SEMA5A: variants seen among roughly 807,000 people sequenced by gnomAD.
SEMA5A encodes the protein semaphorin 5A, also known as semaphorin-5A.
In SEMA5A, 55 loss-of-function variants were observed where a neutral mutation model predicts 135.5. The observed-to-expected ratio is 0.41, with a 90% confidence interval of 0.33 to 0.51. The LOEUF is 0.51. SEMA5A is among the 20% of genes least tolerant of loss of function. The probability of loss-of-function intolerance (pLI) is 0.37; values close to 1 mark genes in which losing one functional copy is unlikely to be tolerated. For missense variants in SEMA5A, 1,290 were observed against 1,419.9 expected, an observed-to-expected ratio of 0.91 and a Z score of 1.47; for synonymous variants, 580 against 546.5, an observed-to-expected ratio of 1.06 and a Z score of -0.85.
At chr5:9,151,121 T>C (rs1435975437) in intron 12 of SEMA5A, among the ~76,000 whole-genome samples, 1 of 152,218 alleles carries the variant, frequency 6.6e-6, no homozygotes, top group African/African-American at 2.4e-5. Context: ...ACTTTCAGGA[T>C]TGACATAATA....
In SEMA5A at chr5:9,202,017, T is replaced by C. The variant is rs758273201; in HGVS notation, c.870A>G (p.Glu290=). ...RPGEVPFYYN[E]LQSTFFLPEL... is the part of the protein sequence containing the mutation. ...CAGGCAGGAAGAAAGTACTCTGCAATTCGTTGTAGTAAAAGGGGACTTCCC... is the reference window on the plus strand; with the variant it reads ...CAGGCAGGAAGAAAGTACTCTGCAACTCGTTGTAGTAAAAGGGGACTTCCC... Residue 290 remains glutamate, a synonymous_variant, in exon 9 of 23, where the codon GAA becomes GAG. Transcript: ENST00000382496. The C allele has an allele frequency of 8.7e-6, 14 of 1,614,032 alleles. No individual in the cohort carries two copies. The highest frequency in any genetic ancestry group is 2.5e-6 in the Non-Finnish European group (3 of 1,180,026).
At chr5:9,249,625 C>T (rs1748667138) in intron 5 of SEMA5A, among the ~76,000 whole-genome samples, 1 of 152,078 alleles carries the variant, frequency 6.6e-6, no homozygotes, top group African/African-American at 2.4e-5. Flanking sequence ...TCCTGCCCTA[C>T]AATATATATG....
intron 18 of SEMA5A, among the ~76,000 whole-genome samples, chr5:9,059,967 A>G (rs1737094388): frequency 6.6e-6 from 1 of 152,216 alleles, no homozygotes. Context: ...TTCACAGGGG[A>G]GAGTATCCTG....
intron 11 of SEMA5A, among the ~76,000 whole-genome samples, chr5:9,182,160 CAAA>C (rs370384556): frequency 7.2e-6 from 1 of 138,514 alleles, no homozygotes; most frequent in African/African-American, 2.9e-5. Flanking sequence ...CCCCCCACCC[CAAA>C]AAAAAATACG....
chr5:9,376,305 G>A (rs909220976), intron 3 of SEMA5A, among the ~76,000 whole-genome samples: 1 of 152,140 alleles, frequency 6.6e-6, no homozygotes, highest in Admixed American at 6.5e-5. Flanking sequence ...CTGTGCGTGA[G>A]GCTTGCCAGG....
chr5:9,170,943 C>T (rs886754365), intron 11 of SEMA5A, among the ~76,000 whole-genome samples: 8 of 152,116 alleles, frequency 5.3e-5, no homozygotes, highest in African/African-American at 1.7e-4. Flanking sequence ...CCTCCTTCCT[C>T]GCCCCCAGAC....
chr5:9,337,791 T>A lies in SEMA5A; in HGVS notation c.146A>T (p.Glu49Val). The change falls in exon 4 of 23, where the codon GAG (glutamate) becomes GTG (valine). Residue 49 changes from glutamate (E) to valine (V), a missense_variant. Physicochemically the swap from Glu to Val is moderately radical, Grantham distance 121. This residue lies in a region of SEMA5A where 116 missense variants were observed against 121.3 expected (regional missense o/e 0.96). Coordinates refer to ENST00000382496, the MANE Select transcript of SEMA5A (RefSeq NM_003966.3). ...ATCCACAGCATTCTTCGCTCTGAAC[T>A]CCCGTAACCAGGGGCCAATTTCTAA... ...SYKEIGPWLREFRAKNAVDFS... is the reference protein window; with the variant it reads ...SYKEIGPWLRVFRAKNAVDFS... The A allele has an allele frequency of 3.1e-6, 5 of 1,605,936 alleles. No homozygotes were observed. The highest frequency in any genetic ancestry group is 4.3e-6 in the Non-Finnish European group (5 of 1,175,558).
At chr5:9,151,256 G>GACTCA (rs1235427749) in intron 12 of SEMA5A, among the ~76,000 whole-genome samples, 1 of 152,128 alleles carries the variant, frequency 6.6e-6, no homozygotes, top group African/African-American at 2.4e-5. Context: ...TTGGAAAAAA[G>GACTCA]ACTCAAGAAA....
intron 13 of SEMA5A, among the ~76,000 whole-genome samples, chr5:9,131,845 TG>T (rs1215923077): frequency 6.6e-6 from 1 of 152,014 alleles, no homozygotes; most frequent in East Asian, 1.9e-4. Flanking sequence ...TGATGCATTT[TG>T]GAATAGGGAC....
chr5:9,140,730 C>G (rs1024093735), intron 12 of SEMA5A, among the ~76,000 whole-genome samples: 4 of 152,146 alleles, frequency 2.6e-5, no homozygotes, highest in African/African-American at 9.7e-5. Flanking sequence ...GTGTATGATT[C>G]TTTACACAGA....
At chr5:9,069,018 C>A (rs936753735) in intron 16 of SEMA5A, among the ~76,000 whole-genome samples, 1 of 152,170 alleles carries the variant, frequency 6.6e-6, no homozygotes, top group African/African-American at 2.4e-5. Flanking sequence ...TGATGACGTA[C>A]AGGGAAGGTG....
intron 1 of SEMA5A, among the ~76,000 whole-genome samples, chr5:9,460,600 C>T (rs1021597217): frequency 4.6e-5 from 7 of 152,002 alleles, no homozygotes; most frequent in African/African-American, 1.2e-4. Flanking sequence ...CGAAGCAAAA[C>T]GATTTTGATT....
At chr5:9,444,164 T>A (rs1758342391) in intron 1 of SEMA5A, among the ~76,000 whole-genome samples, 1 of 151,676 alleles carries the variant, frequency 6.6e-6, no homozygotes, top group Non-Finnish European at 1.5e-5. Flanking sequence ...TAAATTTTTT[T>A]TTAGTTTATT....
Position 9,039,604 on chromosome 5 carries a change from G to T in SEMA5A, c.*3293C>A, listed in dbSNP as rs1223656797. ...AGGGAACCATCCCTACAAACATGAA[G>T]AAGCTGAGATGCCTCATGTAAGTCA... On this transcript the variant is annotated 3_prime_UTR_variant, in exon 23 of 23. Transcript: ENST00000382496. The T allele has an allele frequency of 6.6e-6, 1 of 152,216 alleles. No individual in the cohort carries two copies. Among genetic ancestry groups the T allele is most frequent in the African/African-American group, 2.4e-5 (1 of 41,430 alleles). The allele number at this position is 152,216 out of a possible 1,614,324, so 9.4% of individuals were successfully genotyped here. A position where few individuals can be genotyped will look rare whatever the true frequency, so the allele number is the denominator to read the frequency against.
At chr5:9,052,316 A>G (rs1024631408) in intron 19 of SEMA5A, among the ~76,000 whole-genome samples, 2 of 152,210 alleles carry the variant, frequency 1.3e-5, no homozygotes, top group African/African-American at 4.8e-5. Flanking sequence ...TAGACACTCA[A>G]TAAGTGAATC....
intron 5 of SEMA5A, among the ~76,000 whole-genome samples, chr5:9,312,446 G>A (rs1051308962): frequency 2.6e-5 from 4 of 151,688 alleles, no homozygotes; most frequent in African/African-American, 9.7e-5. Flanking sequence ...ATGATAAACA[G>A]GTTTTATTTT....
intron 1 of SEMA5A, among the ~76,000 whole-genome samples, chr5:9,480,708 G>A (rs1290675482): frequency 1.3e-5 from 2 of 152,110 alleles, no homozygotes; most frequent in Non-Finnish European, 2.9e-5. Flanking sequence ...TCACTTACAC[G>A]TGTGCCTCAC....
intron 5 of SEMA5A, among the ~76,000 whole-genome samples, chr5:9,294,951 C>T (rs1047697897): frequency 3.9e-5 from 6 of 152,168 alleles, no homozygotes; most frequent in African/African-American, 1.4e-4. Context: ...CTCACCATCA[C>T]TCAAGGTCAC....
intron 15 of SEMA5A, among the ~76,000 whole-genome samples, chr5:9,112,660 T>C (rs1177548835): frequency 6.6e-6 from 1 of 152,216 alleles, no homozygotes; most frequent in East Asian, 1.9e-4. Context: ...ATAAAAACCA[T>C]TGAGCCCTGG....
Sources: gnomAD v4.1 joint callset for allele counts (sites outside exome capture counted in the v4.1 genomes callset) on GRCh38, gnomAD v4.1.1 for gene constraint, gnomAD v4.1.1 regional missense constraint, MANE v1.5 for transcripts, NCBI Gene and HGNC (gene_info 2026-07-23, HGNC 2026-07-21) for gene names.